SORCS1: variants seen among roughly 807,000 people sequenced by gnomAD.
SORCS1 encodes VPS10 domain-containing receptor SorCS1.
In SORCS1, 60 loss-of-function variants were observed where a neutral mutation model predicts 146.1. That is an observed-to-expected ratio of 0.41 (90% CI 0.33 to 0.51). SORCS1 has a LOEUF of 0.51. Ranked by LOEUF, SORCS1 falls within the 20% of genes least tolerant of loss-of-function variation. SORCS1 has a pLI of 0.21. For synonymous variants in SORCS1, 637 were observed against 584.0 expected (o/e 1.09, Z -1.31); for missense variants, 1,352 against 1,487.6 (o/e 0.91, Z 1.50).
chr10:106,937,651 C>A (rs1448204264), intron 2 of SORCS1, among the ~76,000 whole-genome samples: 1 of 152,122 alleles, frequency 6.6e-6, no homozygotes, highest in African/African-American at 2.4e-5. Flanking sequence ...CAGTCTCAGG[C>A]ATTTCTTCAT....
chr10:106,911,544 A>G (rs1370992914), intron 2 of SORCS1, among the ~76,000 whole-genome samples: 1 of 152,068 alleles, frequency 6.6e-6, no homozygotes, highest in East Asian at 1.9e-4. Flanking sequence ...TCACGAACTC[A>G]GTATTGGGCA....
chr10:106,638,796 G>A (rs972099430), intron 18 of SORCS1, among the ~76,000 whole-genome samples: 4 of 152,098 alleles, frequency 2.6e-5, no homozygotes, highest in African/African-American at 7.2e-5. Flanking sequence ...AAAGTCAGGT[G>A]GCAACCTGGG....
At chr10:107,017,773 A>T (rs1313712128) in intron 1 of SORCS1, among the ~76,000 whole-genome samples, 1 of 152,196 alleles carries the variant, frequency 6.6e-6, no homozygotes, top group Non-Finnish European at 1.5e-5. Flanking sequence ...CTCCTGCCTC[A>T]GCCTCCTGAG....
chr10:106,893,126 C>T (rs2137925136), intron 2 of SORCS1, among the ~76,000 whole-genome samples: 1 of 151,986 alleles, frequency 6.6e-6, no homozygotes, highest in East Asian at 1.9e-4. Flanking sequence ...TGGTCTCGAA[C>T]TCCTGACCTC....
chr10:106,838,695 C>T (rs1042161411), intron 2 of SORCS1, among the ~76,000 whole-genome samples: 4 of 152,116 alleles, frequency 2.6e-5, no homozygotes, highest in Non-Finnish European at 5.9e-5. Flanking sequence ...TTTTATTGCA[C>T]TTTATTTTAC....
chr10:106,833,851 T>C (rs1564712634), intron 2 of SORCS1, among the ~76,000 whole-genome samples: 2 of 152,120 alleles, frequency 1.3e-5, no homozygotes, highest in African/African-American at 4.8e-5. Flanking sequence ...TGGAGTGCAG[T>C]GGCGCAATCT....
intron 1 of SORCS1, among the ~76,000 whole-genome samples, chr10:107,026,147 G>T (rs1348372292): frequency 6.6e-6 from 1 of 152,088 alleles, no homozygotes; most frequent in Non-Finnish European, 1.5e-5. Context: ...AATGAATTTG[G>T]GTTAAATTTC....
At chr10:107,001,429 GAA>G (rs1039087277) in intron 1 of SORCS1, among the ~76,000 whole-genome samples, 1 of 152,152 alleles carries the variant, frequency 6.6e-6, no homozygotes, top group Non-Finnish European at 1.5e-5. Context: ...AAGCCTGGTA[GAA>G]GGCTTTTTAG....
intron 16 of SORCS1, among the ~76,000 whole-genome samples, chr10:106,670,600 G>C (rs371625801): frequency 5.3e-4 from 80 of 152,068 alleles, no homozygotes; most frequent in Admixed American, 9.2e-4. Flanking sequence ...ATTCTAGAAA[G>C]CTTTCATCTT....
At chr10:106,881,096 A>G (rs889878793) in intron 2 of SORCS1, among the ~76,000 whole-genome samples, 3 of 151,622 alleles carry the variant, frequency 2.0e-5, no homozygotes, top group Middle Eastern at 3.4e-3. Context: ...AAAAAAAAAA[A>G]AAGAAGCAGA....
At chr10:106,902,904 G>A (rs1040599690) in intron 2 of SORCS1, among the ~76,000 whole-genome samples, 1 of 152,030 alleles carries the variant, frequency 6.6e-6, no homozygotes, top group Non-Finnish European at 1.5e-5. Context: ...TGGTGAAACC[G>A]TGCCTCTACT....
intron 1 of SORCS1, among the ~76,000 whole-genome samples, chr10:107,043,765 A>G (rs892517654): frequency 1.3e-5 from 2 of 152,182 alleles, no homozygotes; most frequent in Non-Finnish European, 2.9e-5. Flanking sequence ...AAATTCGGCA[A>G]TGGAGTGTTT....
intron 2 of SORCS1, among the ~76,000 whole-genome samples, chr10:106,830,592 TA>T (rs142485362): frequency 3.4e-5 from 5 of 146,078 alleles, no homozygotes; most frequent in East Asian, 2.0e-4. Context: ...TTTTTTTTTT[TA>T]AAAAAATTTA....
chr10:106,619,798 G>A (rs999848673), intron 20 of SORCS1, among the ~76,000 whole-genome samples: 2 of 152,156 alleles, frequency 1.3e-5, no homozygotes, highest in Non-Finnish European at 2.9e-5. Context: ...AAGGTGTTAG[G>A]TCTCTACTAG....
At chr10:107,011,052 G>A (rs1463267029) in intron 1 of SORCS1, among the ~76,000 whole-genome samples, 1 of 152,214 alleles carries the variant, frequency 6.6e-6, no homozygotes, top group Non-Finnish European at 1.5e-5. Context: ...ACTGGGATGA[G>A]CAGGAGGACA....
At chr10:107,124,953 C>CTTTTTTTTTTTTTTTTTTT (rs577523339) in intron 1 of SORCS1, among the ~76,000 whole-genome samples, 5 of 121,612 alleles carry the variant, frequency 4.1e-5, no homozygotes, top group Non-Finnish European at 6.7e-5. Flanking sequence ...TTTTCTTTTT[C>CTTTTTTTTTTTTTTTTTTT]TTTTTTTTTT....
intron 2 of SORCS1, among the ~76,000 whole-genome samples, chr10:106,912,281 A>C (rs1952204397): frequency 6.6e-6 from 1 of 152,210 alleles, no homozygotes; most frequent in Admixed American, 6.5e-5. Flanking sequence ...CAAATCCCAT[A>C]AGTCAGAATA....
chr10:107,017,323 AGCAAACTACC>A (rs1957940468), intron 1 of SORCS1, among the ~76,000 whole-genome samples: 1 of 152,252 alleles, frequency 6.6e-6, no homozygotes, highest in African/African-American at 2.4e-5. Flanking sequence ...CAATGAAATG[AGCAAACTACC>A]GCTACACGAA....
At position 107,164,263 on chromosome 10, in the gene SORCS1, G is replaced by A. The variant is rs755863796; in HGVS notation, c.264C>T (p.Ser88=). 3.1e-6 allele frequency: 5 copies of A among 1,604,198 alleles called. No homozygotes were observed. In the African/African-American group the frequency reaches 6.7e-5, roughly 21 times the overall value. The change falls in exon 1 of 26, where the codon TCC becomes TCT. Residue 88 remains serine (S), a synonymous_variant. Coordinates refer to ENST00000263054, the MANE Select transcript of SORCS1 (RefSeq NM_052918.5). This position sits in a 1 kb window ranked among gnomAD's most constrained non-coding sequence, Gnocchi z 6.8. ...FSVAPGDRAL[S]LERARGTGAS... is the part of the protein sequence containing the mutation. ...CCCCAGTGCCCCGAGCCCGCTCCAG[G>A]GATAGCGCTCGGTCCCCGGGGGCCA...
Sources: allele counts gnomAD v4.1 joint callset (sites outside exome capture counted in the v4.1 genomes callset), GRCh38; gene constraint gnomAD v4.1.1; non-coding constraint Gnocchi (gnomAD v3.1); transcripts MANE v1.5; gene names NCBI Gene and HGNC (gene_info 2026-07-23, HGNC 2026-07-21).